DACH2: variants seen among roughly 807,000 people sequenced by gnomAD.
DACH2 encodes the protein dachshund family transcription factor 2.
A neutral mutation model predicts 35.8 loss-of-function variants in DACH2; 17 were observed. The observed-to-expected ratio is 0.48, with a 90% CI of 0.33 to 0.71. The LOEUF is 0.71. DACH2 is among the 30% of genes least tolerant of loss of function. The pLI is 0.02. For synonymous variants in DACH2, 195 were observed against 177.3 expected (o/e 1.10, Z -0.79); for missense variants, 469 against 472.7 (o/e 0.99, Z 0.07).
chrX:86,725,068 C>T (rs997140146), intron 6 of DACH2, among the ~76,000 whole-genome samples: 13 of 106,277 alleles, frequency 1.2e-4, no homozygotes, highest in Non-Finnish European at 1.4e-4. Flanking sequence ...TGGTAAATTT[C>T]GCATTTATGT....
At chrX:86,359,619 C>A (rs2035705569) in intron 1 of DACH2, among the ~76,000 whole-genome samples, 1 of 110,967 alleles carries the variant, frequency 9.0e-6, no homozygotes, top group Non-Finnish European at 1.9e-5. Flanking sequence ...TACAGTGGTG[C>A]ACGTCTGTAG....
intron 4 of DACH2, among the ~76,000 whole-genome samples, 155 bp downstream of exon 4, chrX:86,651,322 A>G (rs1216530761): frequency 8.9e-6 from 1 of 112,080 alleles, no homozygotes; most frequent in Non-Finnish European, 1.9e-5. Flanking sequence ...ACATTTGTAC[A>G]CTGAAATTAG....
intron 4 of DACH2, among the ~76,000 whole-genome samples, chrX:86,652,881 T>C (rs778514383): frequency 4.5e-5 from 5 of 112,109 alleles, no homozygotes; most frequent in Non-Finnish European, 9.4e-5. Flanking sequence ...TTCTCTAGGT[T>C]GCCTTCTTAC....
chrX:86,299,524 T>C (rs1011269476), intron 1 of DACH2, among the ~76,000 whole-genome samples: 1 of 112,019 alleles, frequency 8.9e-6, no homozygotes, highest in Non-Finnish European at 1.9e-5. Context: ...TAAAGATATG[T>C]GTGTTGAGAT....
chrX:86,452,471 G>A (rs769098794), intron 2 of DACH2, among the ~76,000 whole-genome samples: 2 of 111,108 alleles, frequency 1.8e-5, no homozygotes, highest in Non-Finnish European at 3.8e-5. Flanking sequence ...TTTTTGGTTG[G>A]TAGGCTAGTT....
intron 1 of DACH2, among the ~76,000 whole-genome samples, chrX:86,369,373 G>T (rs1427628735): frequency 9.1e-6 from 1 of 109,946 alleles, no homozygotes; most frequent in African/African-American, 3.3e-5. Context: ...CCTTGTCAGG[G>T]ATTAAGTCAG....
At chrX:86,163,153 T>A (rs1019433029) in intron 1 of DACH2, among the ~76,000 whole-genome samples, 3 of 110,989 alleles carry the variant, frequency 2.7e-5, no homozygotes, top group African/African-American at 9.8e-5. Flanking sequence ...TTCCCTCTAT[T>A]TTTTTTGTAC....
At chrX:86,608,430 T>C (rs2039888485) in intron 3 of DACH2, among the ~76,000 whole-genome samples, 1 of 112,064 alleles carries the variant, frequency 8.9e-6, no homozygotes, top group Non-Finnish European at 1.9e-5. Context: ...TTGTTTTTGA[T>C]TGGTTCATTG....
In DACH2 at chrX:86,443,663, T is replaced by C. The variant is rs975851474; in HGVS notation, c.527+66801T>C. 3.6e-5 allele frequency among the ~76,000 whole-genome samples: 4 copies of C among 111,512 alleles called. No homozygotes were observed. The Admixed American group carries it at 3.8e-4, about 11-fold the overall frequency. On this transcript the variant is annotated intron_variant, in intron 2 of 11. Coordinates refer to ENST00000373125, the MANE Select transcript of DACH2 (RefSeq NM_053281.3). ...AACTACAGATTAGTCATATATGGTC[T>C]TTATTATCTTAAGGTGTGTTCCTTG...
chrX:86,761,715 G>A (rs1193826038), intron 7 of DACH2, among the ~76,000 whole-genome samples: 1 of 111,543 alleles, frequency 9.0e-6, no homozygotes, highest in African/African-American at 3.3e-5. Flanking sequence ...TTTATTGGTG[G>A]CTTGGGGTGT....
intron 4 of DACH2, among the ~76,000 whole-genome samples, chrX:86,656,810 C>A (rs185197921): frequency 0.032 from 3,112 of 96,929 alleles, 137 homozygotes; most frequent in African/African-American, 0.11. Flanking sequence ...TCCAATTAAT[C>A]AAGCCATAAA....
At chrX:86,164,206 T>C (rs2030863739) in intron 1 of DACH2, among the ~76,000 whole-genome samples, 1 of 112,087 alleles carries the variant, frequency 8.9e-6, no homozygotes, top group South Asian at 3.7e-4. Context: ...GCTTTTTTCA[T>C]ATGCTTGTTG....
chrX:86,299,390 G>C (rs948800487), intron 1 of DACH2, among the ~76,000 whole-genome samples: 3 of 111,633 alleles, frequency 2.7e-5, no homozygotes, highest in Non-Finnish European at 5.7e-5. Context: ...CTTATATCCA[G>C]TGACATGTGT....
chrX:86,292,789 G>A (rs1308783622), intron 1 of DACH2, among the ~76,000 whole-genome samples: 4 of 111,805 alleles, frequency 3.6e-5, no homozygotes, highest in African/African-American at 1.3e-4. Flanking sequence ...TAGTCTGAGA[G>A]ATAGTTTGTT....
At chrX:86,446,198 T>C (rs1350799308) in intron 2 of DACH2, among the ~76,000 whole-genome samples, 1 of 110,839 alleles carries the variant, frequency 9.0e-6, no homozygotes, top group Non-Finnish European at 1.9e-5. Flanking sequence ...TTGTGTGGAA[T>C]GTCTTTTTTT....
chrX:86,703,368 G>A (rs1449575789), intron 5 of DACH2, among the ~76,000 whole-genome samples: 3 of 111,156 alleles, frequency 2.7e-5, no homozygotes, highest in Non-Finnish European at 3.8e-5. Flanking sequence ...AACGAGAGAA[G>A]GTTGCCCATT....
chrX:86,730,206 G>A (rs185858763), intron 6 of DACH2, among the ~76,000 whole-genome samples: 1 of 110,884 alleles, frequency 9.0e-6, no homozygotes, highest in Admixed American at 9.7e-5. Context: ...TTGAATAATA[G>A]GATTATATGA....
chrX:86,328,092 C>A (rs1393991051), intron 1 of DACH2, among the ~76,000 whole-genome samples: 1 of 111,143 alleles, frequency 9.0e-6, no homozygotes, highest in Non-Finnish European at 1.9e-5. Flanking sequence ...ATATCATTTA[C>A]TATGACTACA....
intron 2 of DACH2, among the ~76,000 whole-genome samples, chrX:86,497,760 G>A (rs1329509204): frequency 8.9e-6 from 1 of 111,883 alleles, no homozygotes; most frequent in African/African-American, 3.2e-5. Flanking sequence ...TTGGGAGGCT[G>A]AGGTGGGCAG....
Sources: allele counts gnomAD v4.1 joint callset (sites outside exome capture counted in the v4.1 genomes callset), GRCh38; gene constraint gnomAD v4.1.1; transcripts MANE v1.5; gene names NCBI Gene and HGNC (gene_info 2026-07-23, HGNC 2026-07-21).